JOSD1: variants seen among roughly 807,000 people sequenced by gnomAD.
JOSD1 encodes Josephin domain containing 1, also known as josephin-1.
In JOSD1, 11 loss-of-function variants were observed where a neutral mutation model predicts 24.3. The ratio of observed to expected loss-of-function variants is 0.45; its 90% CI spans 0.29 to 0.75. JOSD1 has a LOEUF of 0.75. JOSD1 is among the 30% of genes least tolerant of loss of function. The probability of loss-of-function intolerance (pLI) is 0.11; values close to 1 mark genes in which losing one functional copy is unlikely to be tolerated. For missense variants in JOSD1, 184 were observed against 253.5 expected, an observed-to-expected ratio of 0.73 and a Z score of 1.86; for synonymous variants, 106 against 93.8, an observed-to-expected ratio of 1.13 and a Z score of -0.75.
rs2092496656 is a variant in JOSD1 at position 38,686,102 on chromosome 22, A to T, written c.*1800T>A. The T allele has an allele frequency of 6.5e-6, 1 of 152,684 alleles. No individual in the cohort carries two copies. The highest frequency in any genetic ancestry group is 1.5e-5 in the Non-Finnish European group (1 of 68,096). The allele number at this position is 152,684 out of a possible 1,614,324, so 9.5% of individuals were successfully genotyped here. A position where few individuals can be genotyped will look rare whatever the true frequency, so the allele number is the denominator to read the frequency against. On this transcript the variant is annotated 3_prime_UTR_variant, in exon 5 of 5. Transcript: ENST00000683374. ...TGGTTGGAATGTCATTGTGCAGGGCAGGAAAAGAGCTCCCTGTGGTGCCAA... is the reference window on the plus strand; with the variant it reads ...TGGTTGGAATGTCATTGTGCAGGGCTGGAAAAGAGCTCCCTGTGGTGCCAA...
intron 2 of JOSD1, among the ~76,000 whole-genome samples, chr22:38,690,400 T>C (rs1257683871): frequency 6.6e-6 from 1 of 152,140 alleles, no homozygotes; most frequent in Non-Finnish European, 1.5e-5. Flanking sequence ...TACTGGTATT[T>C]TTTTTCTTTC....
chr22:38,688,634 A>G (rs2092508531), intron 4 of JOSD1, among the ~76,000 whole-genome samples: 2 of 152,132 alleles, frequency 1.3e-5, no homozygotes, highest in East Asian at 1.9e-4. Context: ...CTTCCTTTCT[A>G]TGAACTGGCA....
chr22:38,689,555 TC>T, intron 2 of JOSD1, 131 bp from the exon 3 acceptor site: 1 of 1,179,842 alleles, frequency 8.5e-7, no homozygotes. Flanking sequence ...AAGTGCAATT[TC>T]CCCAGCTTCT....
Position 38,699,783 on chromosome 22 carries a change from C to G in JOSD1, c.185+20G>C, listed in dbSNP as rs984111404. 1.9e-6 allele frequency: 3 copies of G among 1,611,684 alleles called. No individual in the cohort carries two copies. The highest frequency in any genetic ancestry group is 2.7e-5 in the African/African-American group (2 of 74,870). On this transcript the variant is annotated intron_variant, in intron 2 of 4. Coordinates refer to ENST00000683374, the MANE Select transcript of JOSD1 (RefSeq NM_001360236.2). Reference sequence around the variant, plus strand: ...TCCAGAAATATCAGTATCAAGATGCCAAGGAGAAGGGTCCCCTACCTCTGG... The same window carrying G: ...TCCAGAAATATCAGTATCAAGATGCGAAGGAGAAGGGTCCCCTACCTCTGG...
At chr22:38,688,869 A>T in intron 4 of JOSD1, 66 bp downstream of exon 4, 3 of 1,375,742 alleles carry the variant, frequency 2.2e-6, no homozygotes, top group Non-Finnish European at 3.0e-6. Flanking sequence ...ACCAGAGATG[A>T]GCTCAGTGTC....
rs775426779 is a variant in JOSD1, at chr22:38,687,851, C to T, written c.*51G>A. The T allele has an allele frequency of 1.6e-6, 2 of 1,273,890 alleles. No homozygotes were observed. The highest frequency in any genetic ancestry group is 1.2e-5 in the South Asian group (1 of 83,950). 78.9% of individuals were successfully genotyped at this position (1,273,890 alleles called of 1,614,324 possible). On this transcript the variant is annotated 3_prime_UTR_variant, in exon 5 of 5. Transcript: ENST00000683374. ...CAGACCCACTGTAGAGGCCACAGCA[C>T]GTCACAGAGGACTGAAGGGGCTGAG...
intron 2 of JOSD1, among the ~76,000 whole-genome samples, chr22:38,697,001 A>T (rs1244008930): frequency 6.6e-6 from 1 of 152,164 alleles, no homozygotes. Flanking sequence ...GTCCAAATTG[A>T]TCACTTTTCA....
chr22:38,695,698 C>T (rs58005191), intron 2 of JOSD1, among the ~76,000 whole-genome samples: 4 of 152,022 alleles, frequency 2.6e-5, no homozygotes, highest in African/African-American at 9.7e-5. Context: ...CCACCCAACT[C>T]GGCCTCCCAA....
intron 3 of JOSD1, 47 bp from the exon 4 acceptor site, chr22:38,689,176 A>C: frequency 6.2e-7 from 1 of 1,602,336 alleles, no homozygotes; most frequent in South Asian, 1.1e-5. Flanking sequence ...CCATTTTCCA[A>C]GGTTCCCTGG....
In JOSD1 at chr22:38,700,279, T is replaced by TG; in HGVS notation, c.-293_-292insC. The TG allele has an allele frequency of 3.2e-5, 33 of 1,028,008 alleles. No homozygotes were observed. Among genetic ancestry groups the TG allele is most frequent in the South Asian group, 3.7e-5 (1 of 26,854 alleles). 63.7% of individuals were successfully genotyped at this position (1,028,008 alleles called of 1,614,324 possible). On this transcript the variant is annotated 5_prime_UTR_variant, in exon 2 of 5. Coordinates refer to ENST00000683374, the MANE Select transcript of JOSD1 (RefSeq NM_001360236.2). ...TAAAATGTAAGACCTTGTTTCCGTT[T>TG]CCCCACCCTTCCCTCCCACCCCCCT...
chr22:38,688,977 T>G lies in JOSD1; in HGVS notation c.467A>C (p.Lys156Thr). Residue 156 changes from lysine (K) to threonine (T), a missense_variant, in exon 4 of 5, where the codon AAA (lysine) becomes ACA (threonine). Transcript: ENST00000683374. The part of the protein sequence containing the change: ...VGGAYYNLDS[K>T]LKMPEWIGGE... ...TCCAATCCACTCGGGCATCTTGAGT[T>G]TGGAGTCGAGGTTGTAGTAGGCCCC... 3 of 1,614,088 alleles carry G rather than the reference T, an allele frequency of 1.9e-6. No individual in the cohort carries two copies. The highest frequency in any genetic ancestry group is 1.7e-6 in the Non-Finnish European group (2 of 1,180,014).
chr22:38,696,399 G>C (rs150610981), intron 2 of JOSD1, among the ~76,000 whole-genome samples: 2 of 151,992 alleles, frequency 1.3e-5, no homozygotes, highest in East Asian at 3.9e-4. Flanking sequence ...CATCACCCCA[G>C]CTAATTTTTG....
Position 38,700,105 on chromosome 22 carries a change from C to T in JOSD1, c.-118G>A, listed in dbSNP as rs564603204. 3.4e-5 allele frequency: 48 copies of T among 1,431,968 alleles called. No homozygotes were observed. The highest frequency in any genetic ancestry group is 4.3e-5 in the Non-Finnish European group (47 of 1,092,386). 88.7% of individuals were successfully genotyped at this position (1,431,968 alleles called of 1,614,324 possible). On this transcript the variant is annotated 5_prime_UTR_variant, in exon 2 of 5. An upstream start codon of the reference 5' UTR is lost. Coordinates refer to ENST00000683374, the MANE Select transcript of JOSD1 (RefSeq NM_001360236.2). Reference sequence around the variant, plus strand: ...GAGGTCCACCTTATTCTCTGGTGTCCATGATTTATGCTTTGTCACTGGGAG... The same window carrying T: ...GAGGTCCACCTTATTCTCTGGTGTCTATGATTTATGCTTTGTCACTGGGAG...
At chr22:38,699,722 G>A in intron 2 of JOSD1, 81 bp downstream of exon 2, 2 of 1,339,578 alleles carry the variant, frequency 1.5e-6, no homozygotes, top group Non-Finnish European at 2.1e-6. Flanking sequence ...AGCTTTGAAG[G>A]TTTATGAAGC....
chr22:38,695,168 AGGT>A (rs2092539756), intron 2 of JOSD1, among the ~76,000 whole-genome samples: 1 of 152,200 alleles, frequency 6.6e-6, no homozygotes, highest in Non-Finnish European at 1.5e-5. Flanking sequence ...AGTAATCCGT[AGGT>A]GTTAGCTATT....
intron 4 of JOSD1, 103 bp downstream of exon 4, chr22:38,688,832 C>T: frequency 8.2e-6 from 9 of 1,091,652 alleles, no homozygotes; most frequent in Non-Finnish European, 1.2e-5. Flanking sequence ...TCCAAGGGCA[C>T]AGGAATTTCA....
chr22:38,700,915 G>A lies in JOSD1; in HGVS notation c.-747C>T, dbSNP rs542956533. ...GGCGGTCCCCTCACCGCAGCCGGCC[G>A]CCACCTGGAGTGCGCGCCGCCAACT... On this transcript the variant is annotated 5_prime_UTR_variant, in exon 1 of 5. Transcript: ENST00000683374. 6.1e-6 allele frequency: 6 copies of A among 984,376 alleles called. No homozygotes were observed. The highest frequency in any genetic ancestry group is 4.7e-5 in the South Asian group (1 of 21,288). 61.0% of individuals were successfully genotyped at this position (984,376 alleles called of 1,614,324 possible).
intron 2 of JOSD1, among the ~76,000 whole-genome samples, chr22:38,698,845 T>C (rs2092555801): frequency 6.6e-6 from 1 of 152,136 alleles, no homozygotes; most frequent in African/African-American, 2.4e-5. Context: ...CAACCTCCAC[T>C]TCCCAAGTTT....
chr22:38,700,518 G>C lies in JOSD1; in HGVS notation c.-531C>G. ...CGGCAGGCGTGGGACCGCGAGCCGC[G>C]CGGGGGCCTCGGGGGCAGCCCTCCA... On this transcript the variant is annotated 5_prime_UTR_variant, in exon 2 of 5. Coordinates refer to ENST00000683374, the MANE Select transcript of JOSD1 (RefSeq NM_001360236.2). 1.0e-6 allele frequency: 1 copy of C among 986,108 alleles called. No homozygotes were observed. Among genetic ancestry groups the C allele is most frequent in the Non-Finnish European group, 1.2e-6 (1 of 830,400 alleles). 61.1% of individuals were successfully genotyped at this position (986,108 alleles called of 1,614,324 possible).
Sources: allele counts gnomAD v4.1 joint callset (sites outside exome capture counted in the v4.1 genomes callset), GRCh38; gene constraint gnomAD v4.1.1; transcripts MANE v1.5; gene names NCBI Gene and HGNC (gene_info 2026-07-23, HGNC 2026-07-21).